Variants in C11orf65 observed in about 807,000 individuals in gnomAD.
C11orf65 encodes the protein chromosome 11 open reading frame 65, also known as protein MFI.
A neutral mutation model predicts 35.3 loss-of-function variants in C11orf65; 38 were observed. The ratio of observed to expected loss-of-function variants is 1.08; its 90% CI spans 0.83 to 1.41. The LOEUF (loss-of-function observed/expected upper bound fraction) is 1.41. Ranked by LOEUF, C11orf65 falls within the 40% of genes most tolerant of loss-of-function variation. The pLI, the probability that C11orf65 is intolerant of heterozygous loss-of-function variation, is 0.00. For missense variants in C11orf65, 370 were observed against 367.1 expected (o/e 1.01, Z -0.06); for synonymous variants, 105 against 114.4 (o/e 0.92, Z 0.53).
rs876658740 is a variant in C11orf65 at position 108,310,195 on chromosome 11, G to A, written c.641-1124C>T. 4 of 1,613,318 alleles carry A rather than the reference G, an allele frequency of 2.5e-6. No homozygotes were observed. In the African/African-American group the frequency reaches 5.3e-5, roughly 22 times the overall value. On this transcript the variant is annotated intron_variant, in intron 6 of 6. Transcript: ENST00000525729. The stretch of plus-strand genomic sequence containing the variant: ...GGAACAATTTTTAATGATGCTTTCT[G>A]GCTGGATTTAAATTATCTAGAAGTT...
At chr11:108,407,007 A>G in intron 4 of C11orf65, 44 bp from the exon 5 acceptor site, 2 of 1,571,446 alleles carry the variant, frequency 1.3e-6, no homozygotes, top group Non-Finnish European at 1.7e-6. Context: ...TGTAACTACA[A>G]AAATGTTTTA....
chr11:108,406,104 A>G (rs2092535163), intron 5 of C11orf65, among the ~76,000 whole-genome samples: 1 of 152,234 alleles, frequency 6.6e-6, no homozygotes, highest in Non-Finnish European at 1.5e-5. Flanking sequence ...TGCCCTTATT[A>G]AACCACTTAA....
chr11:108,346,434 T>C (rs1291216285), intron 2 of C11orf65: 1 of 152,666 alleles, frequency 6.6e-6, no homozygotes, highest in Non-Finnish European at 1.5e-5. Context: ...GTAGATAGTA[T>C]GGTTAACAAA....
chr11:108,367,268 T>A (rs2091380607), intron 2 of C11orf65: 1 of 180,342 alleles, frequency 5.5e-6, no homozygotes, highest in African/African-American at 2.4e-5. Context: ...ATTACAGGTG[T>A]GAGCCACCGC....
At chr11:108,314,412 C>G (rs750735568) in intron 6 of C11orf65, among the ~76,000 whole-genome samples, 11 of 151,784 alleles carry the variant, frequency 7.2e-5, no homozygotes, top group Non-Finnish European at 1.5e-4. Flanking sequence ...AGCCCATGTA[C>G]AGTTTTAGGT....
At chr11:108,343,102 C>A in intron 2 of C11orf65, 1 of 1,270,864 alleles carries the variant, frequency 7.9e-7, no homozygotes, top group Non-Finnish European at 1.1e-6. Context: ...CTTCTATGGA[C>A]AGAGAAATAT....
chr11:108,372,497 ATTCTTAT>A (rs964097262), intron 2 of C11orf65, among the ~76,000 whole-genome samples: 1 of 152,216 alleles, frequency 6.6e-6, no homozygotes, highest in African/African-American at 2.4e-5. Flanking sequence ...CTGGCCAATA[ATTCTTAT>A]TTCTTAAACA....
intron 2 of C11orf65, among the ~76,000 whole-genome samples, chr11:108,438,525 TG>T (rs1031762220): frequency 3.3e-5 from 5 of 151,052 alleles, no homozygotes; most frequent in Non-Finnish European, 7.4e-5. Flanking sequence ...CACTCCAGCT[TG>T]GGCAACAAAG....
intron 2 of C11orf65, chr11:108,367,871 A>G (rs1427985738): frequency 9.7e-6 from 2 of 205,202 alleles, no homozygotes; most frequent in Non-Finnish European, 2.0e-5. Flanking sequence ...AATATTTGGT[A>G]TATATTGGTA....
chr11:108,325,586 T>C, intron 6 of C11orf65: 1 of 1,494,040 alleles, frequency 6.7e-7, no homozygotes, highest in East Asian at 2.3e-5. Flanking sequence ...CTCTTGACTT[T>C]CCTTTTATTA....
chr11:108,349,975 A>G (rs989645771), intron 2 of C11orf65, among the ~76,000 whole-genome samples: 21 of 152,186 alleles, frequency 1.4e-4, no homozygotes, highest in African/African-American at 1.4e-4. Context: ...TGAGGGAATT[A>G]TATTTGCTAT....
In C11orf65 at chr11:108,320,361, A is replaced by G. The variant is rs4988091; in HGVS notation, c.641-11290T>C. On this transcript the variant is annotated intron_variant, in intron 6 of 6. Transcript: ENST00000525729. ...CTCTTTTGGTAATTGTATGGCATTT[A>G]GTGTTCTAATTTATAAAATTGTAAC... Among the ~76,000 whole-genome samples the G allele has an allele frequency of 6.8e-3, 1,041 of 152,272 alleles. 16 individuals are homozygous for G. Among genetic ancestry groups the G allele is most frequent in the African/African-American group, 0.023 (963 of 41,536 alleles).
chr11:108,459,176 T>C (rs1377828396), intron 2 of C11orf65, among the ~76,000 whole-genome samples: 1 of 152,036 alleles, frequency 6.6e-6, no homozygotes, highest in African/African-American at 2.4e-5. Context: ...ATTAAGAGGG[T>C]TTCACTGTGG....
chr11:108,335,237 A>G, exon 3 of C11orf65: 1 of 1,551,490 alleles, frequency 6.4e-7, no homozygotes, highest in Non-Finnish European at 8.7e-7. Context: ...GAAGATTTGT[A>G]GAGTAGAAAT....
chr11:108,422,165 T>A (rs1448564100), intron 3 of C11orf65, among the ~76,000 whole-genome samples: 1 of 152,058 alleles, frequency 6.6e-6, no homozygotes, highest in Non-Finnish European at 1.5e-5. Flanking sequence ...CCTGACCTCA[T>A]GATCCGCCCG....
At chr11:108,454,669 A>C (rs2093391982) in intron 2 of C11orf65, among the ~76,000 whole-genome samples, 1 of 152,056 alleles carries the variant, frequency 6.6e-6, no homozygotes, top group Non-Finnish European at 1.5e-5. Context: ...TATGCTGCCA[A>C]GGCTGGACTC....
At chr11:108,415,626 G>C (rs867382606) in intron 3 of C11orf65, among the ~76,000 whole-genome samples, 1 of 152,072 alleles carries the variant, frequency 6.6e-6, no homozygotes, top group Non-Finnish European at 1.5e-5. Context: ...ATTTTAAGTG[G>C]AAAGGCAAAA....
At chr11:108,452,589 T>C (rs1369837779) in intron 2 of C11orf65, among the ~76,000 whole-genome samples, 1 of 152,210 alleles carries the variant, frequency 6.6e-6, no homozygotes, top group Non-Finnish European at 1.5e-5. Context: ...GAAGACAGTG[T>C]GGCAATTCCT....
At chr11:108,370,932 T>A (rs2091555768) in intron 2 of C11orf65, among the ~76,000 whole-genome samples, 1 of 152,150 alleles carries the variant, frequency 6.6e-6, no homozygotes, top group Non-Finnish European at 1.5e-5. Context: ...AACTTTTTGT[T>A]TTCCCAAATT....
Sources: gnomAD v4.1 joint callset for allele counts (sites outside exome capture counted in the v4.1 genomes callset) on GRCh38, gnomAD v4.1.1 for gene constraint, MANE v1.5 for transcripts, NCBI Gene and HGNC (gene_info 2026-07-23, HGNC 2026-07-21) for gene names.